Variants in ANK3 observed in about 807,000 individuals in gnomAD.
The protein encoded by ANK3 is ankyrin 3.
ANK3 carries 57 observed loss-of-function variants against 370.9 expected under a neutral mutation model. That is an observed-to-expected ratio of 0.15 (90% confidence interval 0.12 to 0.19). The LOEUF (loss-of-function observed/expected upper bound fraction) is 0.19. Among genes scored for constraint, ANK3 ranks in the 10% least tolerant of loss-of-function variants. The pLI is 1.00. For missense variants in ANK3, 4,439 were observed against 5,302.1 expected (o/e 0.84, Z 5.06); for synonymous variants, 1,929 against 1,946.3 (o/e 0.99, Z 0.23).
chr10:60,354,171 G>A (rs541828443), intron 1 of ANK3, among the ~76,000 whole-genome samples: 2 of 152,316 alleles, frequency 1.3e-5, no homozygotes, highest in East Asian at 3.9e-4. Flanking sequence ...AAGCCTTAGA[G>A]TTTAGGCGAT....
intron 5 of ANK3, among the ~76,000 whole-genome samples, chr10:60,266,441 A>C (rs1451123716): frequency 6.6e-6 from 1 of 152,128 alleles, no homozygotes; most frequent in Non-Finnish European, 1.5e-5. Flanking sequence ...AGTGTGGCAA[A>C]AGGAAAATTG....
intron 40 of ANK3, 87 bp downstream of exon 40, chr10:60,063,024 T>G: frequency 7.6e-7 from 1 of 1,313,026 alleles, no homozygotes; most frequent in Non-Finnish European, 1.0e-6. Flanking sequence ...AATCACAGTT[T>G]AGTTGCTTTT....
At chr10:60,514,432 A>G (rs1464085654) in intron 2 of ANK3, among the ~76,000 whole-genome samples, 2 of 152,188 alleles carry the variant, frequency 1.3e-5, no homozygotes, top group East Asian at 3.9e-4. Context: ...CTGGGCTTAG[A>G]GTTCACCTGG....
At chr10:60,378,523 C>A (rs540428133) in intron 1 of ANK3, among the ~76,000 whole-genome samples, 1 of 152,112 alleles carries the variant, frequency 6.6e-6, no homozygotes, top group South Asian at 2.1e-4. Context: ...GCAGAATAGA[C>A]AATGCAAACT....
At chr10:60,374,860 G>T (rs777045335) in intron 1 of ANK3, among the ~76,000 whole-genome samples, 10 of 152,052 alleles carry the variant, frequency 6.6e-5, no homozygotes, top group Non-Finnish European at 8.8e-5. Flanking sequence ...AAAATTTAAA[G>T]AAATATATTT....
chr10:60,246,567 A>G (rs529917125), intron 7 of ANK3, among the ~76,000 whole-genome samples: 42 of 152,292 alleles, frequency 2.8e-4, no homozygotes, highest in Non-Finnish European at 5.3e-4. Context: ...TTGATCAGAC[A>G]CCTGATAGTG....
chr10:60,523,336 C>G (rs890214045), intron 2 of ANK3, among the ~76,000 whole-genome samples: 5 of 151,134 alleles, frequency 3.3e-5, no homozygotes, highest in Non-Finnish European at 5.9e-5. Flanking sequence ...GTGTGCTGCA[C>G]CCATTAACTC....
chr10:60,048,845 T>C (rs894814031), intron 42 of ANK3, among the ~76,000 whole-genome samples: 3 of 152,162 alleles, frequency 2.0e-5, no homozygotes, highest in African/African-American at 4.8e-5. Flanking sequence ...AGTAAATAAA[T>C]TTATCTCCAA....
At chr10:60,432,255 G>T (rs1338920342) in intron 2 of ANK3, among the ~76,000 whole-genome samples, 1 of 152,152 alleles carries the variant, frequency 6.6e-6, no homozygotes, top group Non-Finnish European at 1.5e-5. Flanking sequence ...AAACCAGCTG[G>T]ATCTTTCTTT....
At chr10:60,188,664 C>T (rs1004506498) in intron 16 of ANK3, among the ~76,000 whole-genome samples, 1 of 152,198 alleles carries the variant, frequency 6.6e-6, no homozygotes, top group Non-Finnish European at 1.5e-5. Context: ...CCTCACTTGA[C>T]AAACCCTTAT....
At chr10:60,235,341 G>A (rs2097312017) in intron 7 of ANK3, among the ~76,000 whole-genome samples, 1 of 152,162 alleles carries the variant, frequency 6.6e-6, no homozygotes, top group Non-Finnish European at 1.5e-5. Context: ...TTTGTTAGCA[G>A]TCTCATGAAA....
intron 1 of ANK3, among the ~76,000 whole-genome samples, chr10:60,693,372 G>A (rs930844983): frequency 2.6e-5 from 4 of 152,254 alleles, no homozygotes; most frequent in Non-Finnish European, 5.9e-5. Context: ...AAGCAGCCTG[G>A]AAGCTCGAAC....
At chr10:60,081,494 T>A (rs1178619264) in intron 35 of ANK3, 2 of 443,046 alleles carry the variant, frequency 4.5e-6, no homozygotes, top group Non-Finnish European at 9.0e-6. Context: ...TAGAGAAACA[T>A]TAGGAGACAA....
Position 60,070,847 on chromosome 10 carries a change from T to G in ANK3, c.10034A>C (p.Glu3345Ala). The G allele has an allele frequency of 6.2e-7, 1 of 1,614,158 alleles. No homozygotes were observed. Among genetic ancestry groups the G allele is most frequent in the Non-Finnish European group, 8.5e-7 (1 of 1,180,014 alleles). Residue 3345 changes from glutamate (E) to alanine (A), a missense_variant, in exon 37 of 44, where the codon GAA becomes GCA. Glu to Ala is a moderately radical substitution (Grantham distance 107). Around this residue, in one of 13 missense-constraint regions of ANK3, gnomAD observed 1,601 missense variants for 1,731.7 expected, o/e 0.92. Coordinates refer to ENST00000280772, the MANE Select transcript of ANK3 (RefSeq NM_020987.5). The surrounding 1 kb of genome is among the most constrained non-coding windows in gnomAD (Gnocchi z 5.7). ...KLKEVDDEQK[E>A]KPKASAEKAS... ...CTTTTCAGCAGAAGCTTTGGGTTTTTCTTTTTGTTCATCGTCCACTTCCTT... is the reference window on the plus strand; with the variant it reads ...CTTTTCAGCAGAAGCTTTGGGTTTTGCTTTTTGTTCATCGTCCACTTCCTT...
intron 1 of ANK3, among the ~76,000 whole-genome samples, chr10:60,361,171 T>C (rs2058551879): frequency 6.6e-6 from 1 of 152,242 alleles, no homozygotes; most frequent in Admixed American, 6.5e-5. Context: ...TTCTTTTCTT[T>C]CTCGACTAAG....
At chr10:60,628,437 C>T (rs2078438925) in intron 1 of ANK3, among the ~76,000 whole-genome samples, 1 of 152,122 alleles carries the variant, frequency 6.6e-6, no homozygotes, top group African/African-American at 2.4e-5. Context: ...TCTCTCAAAT[C>T]CCCCATGATC....
intron 42 of ANK3, among the ~76,000 whole-genome samples, chr10:60,047,161 T>C (rs2077107710): frequency 6.6e-6 from 1 of 152,134 alleles, no homozygotes; most frequent in African/African-American, 2.4e-5. Context: ...GTAAACAAAA[T>C]TGTCCCCGTG....
At chr10:60,581,205 T>C (rs913479598) in intron 2 of ANK3, among the ~76,000 whole-genome samples, 3 of 152,190 alleles carry the variant, frequency 2.0e-5, no homozygotes, top group Admixed American at 2.0e-4. Context: ...TCATTCTGTC[T>C]AAAAACTGAA....
intron 1 of ANK3, among the ~76,000 whole-genome samples, chr10:60,315,740 C>T (rs770959780): frequency 1.3e-5 from 2 of 152,140 alleles, no homozygotes; most frequent in East Asian, 3.9e-4. Flanking sequence ...CTGCCACTCT[C>T]TCTAACTTCT....
Sources: gnomAD v4.1 joint callset for allele counts (sites outside exome capture counted in the v4.1 genomes callset) on GRCh38, gnomAD v4.1.1 for gene constraint, gnomAD v4.1.1 regional missense constraint, Gnocchi (gnomAD v3.1) non-coding constraint, MANE v1.5 for transcripts, NCBI Gene and HGNC (gene_info 2026-07-23, HGNC 2026-07-21) for gene names.